The following TMTC2 variants were observed in gnomAD, a reference collection of about 807,000 sequenced individuals.
The protein encoded by TMTC2 is protein O-mannosyl-transferase TMTC2.
TMTC2 carries 43 observed loss-of-function variants against 82.4 expected under a neutral mutation model. The observed-to-expected ratio is 0.52, with a 90% confidence interval of 0.41 to 0.67. The LOEUF (loss-of-function observed/expected upper bound fraction) is 0.67, where lower values mean the gene tolerates loss of function less well. TMTC2 is among the 30% of genes least tolerant of loss of function. The pLI is 0.00. For synonymous variants in TMTC2, 408 were observed against 381.9 expected, an observed-to-expected ratio of 1.07 and a Z score of -0.80; for missense variants, 919 against 1,012.4, an observed-to-expected ratio of 0.91 and a Z score of 1.25.
chr12:82,826,983 C>T (rs1019087170), intron 1 of TMTC2, among the ~76,000 whole-genome samples: 3 of 152,088 alleles, frequency 2.0e-5, no homozygotes, highest in African/African-American at 7.2e-5. Context: ...CTCTGATGCT[C>T]TTATTTTACT....
chr12:82,809,830 C>A (rs1378366153), intron 1 of TMTC2, among the ~76,000 whole-genome samples: 2 of 152,112 alleles, frequency 1.3e-5, no homozygotes, highest in Non-Finnish European at 2.9e-5. Flanking sequence ...TTTCCCTGGA[C>A]TAATGACTCT....
At position 82,889,899 on chromosome 12, in the gene TMTC2, G is replaced by GT. The variant is rs202111871; in HGVS notation, c.655-5913dup. On this transcript the variant is annotated intron_variant, in intron 2 of 11. Transcript: ENST00000321196. Reference sequence around the variant, plus strand: ...CATATTGAAATTTATATCTATTTCTGTTTTTTCTTTTATAAACAATGCTAA... The same window carrying GT: ...CATATTGAAATTTATATCTATTTCTGTTTTTTTCTTTTATAAACAATGCTAA... Among the ~76,000 whole-genome samples, 1,364 of 151,928 alleles carry GT rather than the reference G, an allele frequency of 9.0e-3. 21 individuals are homozygous for GT. Among genetic ancestry groups the GT allele is most frequent in the African/African-American group, 0.032 (1,308 of 41,466 alleles).
intron 4 of TMTC2, among the ~76,000 whole-genome samples, chr12:82,931,080 TA>T: frequency 6.6e-6 from 1 of 152,130 alleles, no homozygotes; most frequent in Non-Finnish European, 1.5e-5. Flanking sequence ...GGCTAATTTT[TA>T]AATTTTTTTG....
intron 8 of TMTC2, 123 bp from the exon 9 acceptor site, chr12:83,030,675 A>ATT: frequency 7.7e-6 from 5 of 652,314 alleles, no homozygotes; most frequent in South Asian, 4.9e-5. Flanking sequence ...TAAAAACAAA[A>ATT]ATTTTTTTTT....
At chr12:82,976,779 G>A (rs564530937) in intron 7 of TMTC2, among the ~76,000 whole-genome samples, 11 of 152,036 alleles carry the variant, frequency 7.2e-5, no homozygotes, top group African/African-American at 2.4e-4. Context: ...AATGTTTCTA[G>A]TAGTGTTTCT....
intron 2 of TMTC2, among the ~76,000 whole-genome samples, chr12:82,865,042 G>C (rs1232054954): frequency 7.5e-6 from 1 of 133,712 alleles, no homozygotes; most frequent in Non-Finnish European, 1.5e-5. Flanking sequence ...GTGAAATCCT[G>C]TCTCTACTAA....
At chr12:83,000,780 C>T (rs1230051419) in intron 8 of TMTC2, among the ~76,000 whole-genome samples, 2 of 152,182 alleles carry the variant, frequency 1.3e-5, no homozygotes, top group African/African-American at 4.8e-5. Flanking sequence ...GAGGGCTCCA[C>T]CCATGCAACA....
At chr12:82,969,081 G>T (rs1878342449) in intron 7 of TMTC2, among the ~76,000 whole-genome samples, 1 of 152,090 alleles carries the variant, frequency 6.6e-6, no homozygotes, top group Admixed American at 6.6e-5. Flanking sequence ...TACCCCAAGT[G>T]TTGGCTCTAG....
intron 1 of TMTC2, among the ~76,000 whole-genome samples, chr12:82,722,902 T>A (rs1174116885): frequency 1.3e-5 from 2 of 152,246 alleles, no homozygotes; most frequent in Non-Finnish European, 2.9e-5. Flanking sequence ...TTACTCAGTG[T>A]CAGTAAAATC....
intron 8 of TMTC2, among the ~76,000 whole-genome samples, chr12:83,018,775 C>T (rs1040098264): frequency 2.0e-5 from 3 of 151,864 alleles, no homozygotes; most frequent in Admixed American, 1.3e-4. Flanking sequence ...GGAAACTATG[C>T]CATCCATCAT....
At chr12:83,113,348 T>C (rs1423883620) in intron 11 of TMTC2, among the ~76,000 whole-genome samples, 1 of 152,194 alleles carries the variant, frequency 6.6e-6, no homozygotes, top group African/African-American at 2.4e-5. Context: ...CTTTAAAACC[T>C]TGTAGATAAA....
intron 1 of TMTC2, among the ~76,000 whole-genome samples, chr12:82,852,342 C>T (rs778091710): frequency 5.3e-5 from 8 of 152,040 alleles, no homozygotes; most frequent in Non-Finnish European, 8.8e-5. Flanking sequence ...CTCCTGACCT[C>T]GTGATCCATC....
chr12:82,783,220 A>G (rs149391343), intron 1 of TMTC2, among the ~76,000 whole-genome samples: 2 of 148,046 alleles, frequency 1.4e-5, no homozygotes, highest in South Asian at 2.1e-4. Context: ...AGATAAACCT[A>G]TTTTTGTGTA....
At chr12:82,858,646 CTT>C (rs777246202) in intron 2 of TMTC2, among the ~76,000 whole-genome samples, 5 of 144,406 alleles carry the variant, frequency 3.5e-5, no homozygotes, top group Admixed American at 6.9e-5. Flanking sequence ...TTTAAATGCC[CTT>C]TTTTTTTTTT....
chr12:82,976,887 T>TA (rs958237855), intron 7 of TMTC2, among the ~76,000 whole-genome samples: 2 of 152,008 alleles, frequency 1.3e-5, no homozygotes, highest in Non-Finnish European at 2.9e-5. Flanking sequence ...GCATACTTCG[T>TA]AAAAAAATGT....
chr12:82,700,445 C>T (rs1873021185), intron 1 of TMTC2, among the ~76,000 whole-genome samples: 1 of 152,072 alleles, frequency 6.6e-6, no homozygotes, highest in Non-Finnish European at 1.5e-5. Context: ...TTTAAACTTA[C>T]TTTTGATAAT....
chr12:82,911,884 A>G (rs977279663), intron 3 of TMTC2, among the ~76,000 whole-genome samples: 3 of 152,218 alleles, frequency 2.0e-5, no homozygotes, highest in Non-Finnish European at 4.4e-5. Context: ...TGCTGGGACT[A>G]CAGGTGTGAA....
intron 1 of TMTC2, among the ~76,000 whole-genome samples, chr12:82,779,108 G>A (rs567948513): frequency 6.6e-6 from 1 of 151,586 alleles, no homozygotes; most frequent in South Asian, 2.1e-4. Flanking sequence ...GCAAACAATA[G>A]TGGCAGAGGA....
intron 4 of TMTC2, among the ~76,000 whole-genome samples, chr12:82,937,746 GTGTGTATATATATATATA>G (rs1565818143): frequency 1.7e-5 from 1 of 60,334 alleles, no homozygotes; most frequent in African/African-American, 8.0e-5. Flanking sequence ...GTGTGTGTGT[GTGTGTATATATATATATA>G]TATATATATA....
Sources: allele counts gnomAD v4.1 joint callset (sites outside exome capture counted in the v4.1 genomes callset), GRCh38; gene constraint gnomAD v4.1.1; transcripts MANE v1.5; gene names NCBI Gene and HGNC (gene_info 2026-07-23, HGNC 2026-07-21).